ELMOD2: variants seen among roughly 807,000 people sequenced by gnomAD.
ELMOD2 encodes the protein ELMO domain containing 2.
Under a neutral mutation model 41.0 loss-of-function variants are expected in ELMOD2, and 28 were observed. The ratio of observed to expected loss-of-function variants is 0.68; its 90% CI spans 0.51 to 0.94. ELMOD2 has a LOEUF of 0.94. Ranked by LOEUF, ELMOD2 falls within the 40% of genes least tolerant of loss-of-function variation. The probability of loss-of-function intolerance (pLI) is 0.00; values close to 1 mark genes in which losing one functional copy is unlikely to be tolerated. For synonymous variants in ELMOD2, 106 were observed against 107.2 expected (o/e 0.99, Z 0.07); for missense variants, 333 against 343.1 (o/e 0.97, Z 0.23).
chr4:140,535,484 G>A (rs747096111), intron 3 of ELMOD2: 12 of 366,706 alleles, frequency 3.3e-5, no homozygotes, highest in Non-Finnish European at 5.3e-5. Flanking sequence ...GAACTCATCA[G>A]CTGAGAACCT....
chr4:140,532,786 A>G (rs1336659436), intron 3 of ELMOD2, among the ~76,000 whole-genome samples: 1 of 152,226 alleles, frequency 6.6e-6, no homozygotes, highest in East Asian at 1.9e-4. Context: ...CAATAAGGCA[A>G]GAAGAAGCAA....
At chr4:140,542,550 G>A (rs1735140037) in intron 6 of ELMOD2, 24 bp from the exon 7 acceptor site, 1 of 1,545,100 alleles carries the variant, frequency 6.5e-7, no homozygotes, top group Non-Finnish European at 8.9e-7. Context: ...ACATTTGTTT[G>A]ATTATTTTTC....
At chr4:140,532,584 A>G (rs1734786497) in intron 3 of ELMOD2, among the ~76,000 whole-genome samples, 1 of 152,208 alleles carries the variant, frequency 6.6e-6, no homozygotes, top group Non-Finnish European at 1.5e-5. Flanking sequence ...TTCAGTACCA[A>G]TTCATGATTA....
intron 3 of ELMOD2, among the ~76,000 whole-genome samples, chr4:140,528,574 ATGTT>A (rs1215367391): frequency 6.6e-6 from 1 of 152,200 alleles, no homozygotes; most frequent in Non-Finnish European, 1.5e-5. Context: ...ATCCACATGA[ATGTT>A]TGTTATTGAT....
chr4:140,533,005 A>G (rs937960201), intron 3 of ELMOD2, among the ~76,000 whole-genome samples: 5 of 152,230 alleles, frequency 3.3e-5, no homozygotes, highest in Non-Finnish European at 5.9e-5. Flanking sequence ...TCCAGAAAAC[A>G]TAAAATATTC....
chr4:140,539,426 A>T (rs1011595929), intron 5 of ELMOD2, among the ~76,000 whole-genome samples: 1 of 150,376 alleles, frequency 6.6e-6, no homozygotes, highest in African/African-American at 2.5e-5. Flanking sequence ...CAGTGGCGCC[A>T]TCTCAGCTCA....
chr4:140,539,870 A>C (rs756189866), intron 5 of ELMOD2, among the ~76,000 whole-genome samples: 14 of 152,214 alleles, frequency 9.2e-5, no homozygotes, highest in South Asian at 2.1e-4. Context: ...AGTTCCTAAA[A>C]TACTGTGTTT....
At chr4:140,536,008 T>C (rs1734914008) in intron 4 of ELMOD2, among the ~76,000 whole-genome samples, 178 bp downstream of exon 4, 1 of 152,202 alleles carries the variant, frequency 6.6e-6, no homozygotes, top group African/African-American at 2.4e-5. Flanking sequence ...GAATCGGGAC[T>C]AGAACCTGTA....
intron 3 of ELMOD2, 113 bp from the exon 4 acceptor site, chr4:140,535,620 G>A (rs953195309): frequency 2.3e-6 from 2 of 864,388 alleles, no homozygotes; most frequent in African/African-American, 3.5e-5. Flanking sequence ...AAACAAACTG[G>A]GTTTATTTTG....
chr4:140,527,441 CTTT>C (rs372089965), intron 2 of ELMOD2, 22 bp from the exon 3 acceptor site: 274 of 1,306,114 alleles, frequency 2.1e-4, no homozygotes, highest in Admixed American at 5.1e-4. Context: ...GTGATAACAT[CTTT>C]TTTTTTTTTT....
At position 140,550,469 on chromosome 4, in the gene ELMOD2, T is replaced by A. The variant is rs193115118; in HGVS notation, c.*94T>A. 3,768 of 1,229,742 alleles carry A rather than the reference T, an allele frequency of 3.1e-3. 94 individuals are homozygous for A. The African/African-American group carries it at 0.05, about 16-fold the overall frequency. 76.2% of individuals were successfully genotyped at this position (1,229,742 alleles called of 1,614,324 possible). Reference sequence around the variant, plus strand: ...AATTATCTGATCAATTACACTCTTATATATAATTTCCTACAAAAATATTTC... The same window carrying A: ...AATTATCTGATCAATTACACTCTTAAATATAATTTCCTACAAAAATATTTC... On this transcript the variant is annotated 3_prime_UTR_variant, in exon 9 of 9. Transcript: ENST00000323570.
chr4:140,524,496 G>C (rs1734486789), intron 1 of ELMOD2: 2 of 678,786 alleles, frequency 2.9e-6, no homozygotes, highest in Admixed American at 6.3e-5. Context: ...GCCGCTACGC[G>C]TGCATCCCCT....
At chr4:140,539,195 A>G (rs566016723) in intron 5 of ELMOD2, among the ~76,000 whole-genome samples, 1 of 152,314 alleles carries the variant, frequency 6.6e-6, no homozygotes, top group South Asian at 2.1e-4. Flanking sequence ...ATGAAATGGG[A>G]AAAAAATGAA....
Position 140,550,472 on chromosome 4 carries a change from A to G in ELMOD2, c.*97A>G, listed in dbSNP as rs548039499. 2.3e-5 allele frequency: 27 copies of G among 1,198,644 alleles called. No homozygotes were observed. Among genetic ancestry groups the G allele is most frequent in the Non-Finnish European group, 2.8e-5 (25 of 883,088 alleles). The allele number at this position is 1,198,644 out of a possible 1,614,324, so 74.3% of individuals were successfully genotyped here. ...TATCTGATCAATTACACTCTTATAT[A>G]TAATTTCCTACAAAAATATTTCAGA... On this transcript the variant is annotated 3_prime_UTR_variant, in exon 9 of 9. Coordinates refer to ENST00000323570, the MANE Select transcript of ELMOD2 (RefSeq NM_153702.4).
chr4:140,531,366 T>C (rs1372546040), intron 3 of ELMOD2, among the ~76,000 whole-genome samples: 1 of 152,194 alleles, frequency 6.6e-6, no homozygotes, highest in African/African-American at 2.4e-5. Flanking sequence ...CTGGGATTTA[T>C]AAATAAAAAT....
chr4:140,549,917 C>A (rs1364738839), intron 8 of ELMOD2, among the ~76,000 whole-genome samples: 1 of 151,824 alleles, frequency 6.6e-6, no homozygotes, highest in Admixed American at 6.6e-5. Context: ...TAAGTCCTGG[C>A]CTCAAGCGAT....
chr4:140,548,240 A>C (rs1173314828), intron 8 of ELMOD2, among the ~76,000 whole-genome samples: 1 of 152,170 alleles, frequency 6.6e-6, no homozygotes, highest in Non-Finnish European at 1.5e-5. Flanking sequence ...TACTGAAACA[A>C]ATGGTATGGC....
chr4:140,530,801 T>C (rs1734723005), intron 3 of ELMOD2, among the ~76,000 whole-genome samples: 1 of 152,160 alleles, frequency 6.6e-6, no homozygotes, highest in African/African-American at 2.4e-5. Context: ...GTATATTCCA[T>C]TTACTTTGTA....
Position 140,543,479 on chromosome 4 carries a change from A to G in ELMOD2, c.629A>G (p.Asn210Ser), listed in dbSNP as rs1351747696. 10 of 1,603,882 alleles carry G rather than the reference A, an allele frequency of 6.2e-6. No homozygotes were observed. The highest frequency in any genetic ancestry group is 7.6e-6 in the Non-Finnish European group (9 of 1,177,360). The part of the protein sequence containing the change: ...LGYSYAIVGI[N>S]LTEMAYSLLK... ...TATTCTTATGCAATAGTTGGAATCA[A>G]TCTTACAGAGATGGCTTATAGCTTA... Residue 210 changes from asparagine to serine, a missense_variant, in exon 8 of 9, where the codon AAT (asparagine) becomes AGT (serine). Transcript: ENST00000323570.
Sources: allele counts gnomAD v4.1 joint callset (sites outside exome capture counted in the v4.1 genomes callset), GRCh38; gene constraint gnomAD v4.1.1; transcripts MANE v1.5; gene names NCBI Gene and HGNC (gene_info 2026-07-23, HGNC 2026-07-21).